The following LHX8 variants were observed in gnomAD, a reference collection of about 807,000 sequenced individuals.
The protein encoded by LHX8 is LIM homeobox 8.
A neutral mutation model predicts 40.3 loss-of-function variants in LHX8; 12 were observed. That is an observed-to-expected ratio of 0.30 (90% confidence interval 0.19 to 0.48). The LOEUF (loss-of-function observed/expected upper bound fraction) is 0.48, where lower values mean the gene tolerates loss of function less well. LHX8 is among the 20% of genes least tolerant of loss of function. The pLI is 0.99. For missense variants in LHX8, 344 were observed against 433.7 expected, an observed-to-expected ratio of 0.79 and a Z score of 1.84; for synonymous variants, 179 against 162.0, an observed-to-expected ratio of 1.10 and a Z score of -0.80.
chr1:75,138,556 G>A (rs1228987748), intron 3 of LHX8, among the ~76,000 whole-genome samples: 1 of 152,134 alleles, frequency 6.6e-6, no homozygotes, highest in African/African-American at 2.4e-5. Context: ...CACTTTCAAT[G>A]TTTCTAAAAC....
chr1:75,161,833 T>TG (rs1486660162), downstream of LHX8, among the ~76,000 whole-genome samples: 2 of 151,888 alleles, frequency 1.3e-5, no homozygotes, highest in African/African-American at 2.4e-5. Flanking sequence ...TCTTCAGGAG[T>TG]GAAAAAAGAG....
the LHX8 span, among the ~76,000 whole-genome samples, chr1:75,169,592 T>G: frequency 1.3e-5 from 2 of 152,164 alleles, no homozygotes; most frequent in Non-Finnish European, 2.9e-5. Flanking sequence ...TACTCCAATT[T>G]CAAGCCCAAT....
intron 6 of LHX8, among the ~76,000 whole-genome samples, chr1:75,147,846 C>T (rs1358619388): frequency 6.6e-6 from 1 of 152,206 alleles, no homozygotes; most frequent in African/African-American, 2.4e-5. Context: ...CTACTCTTCT[C>T]CCTTTATCTT....
chr1:75,197,490 T>C, the LHX8 span, among the ~76,000 whole-genome samples: 3 of 152,174 alleles, frequency 2.0e-5, no homozygotes, highest in African/African-American at 7.2e-5. Flanking sequence ...TCAAGTTACA[T>C]GTTATAGATG....
chr1:75,170,662 T>G, the LHX8 span, among the ~76,000 whole-genome samples: 1 of 152,188 alleles, frequency 6.6e-6, no homozygotes, highest in Non-Finnish European at 1.5e-5. Flanking sequence ...AACTGGAGAC[T>G]GGGGAGGTAT....
At chr1:75,156,239 G>GT (rs1163190778) in intron 7 of LHX8, among the ~76,000 whole-genome samples, 146 of 151,034 alleles carry the variant, frequency 9.7e-4, no homozygotes, top group African/African-American at 3.4e-3. Flanking sequence ...TTGTTGTTTT[G>GT]TTTTGTTTTG....
rs1648904578 is a variant in LHX8, at chr1:75,161,017, C to T, written c.*122C>T. ...AACACCTAAAGCATTTCCAACATCA[C>T]TTTGCTGCCCAGGTATGTATCTATA... On this transcript the variant is annotated 3_prime_UTR_variant, in exon 9 of 9. Coordinates refer to ENST00000356261, the MANE Select transcript of LHX8 (RefSeq NM_001256114.2). 1 of 753,044 alleles carries T rather than the reference C, an allele frequency of 1.3e-6. No individual in the cohort carries two copies. Among genetic ancestry groups the T allele is most frequent in the South Asian group, 1.5e-5 (1 of 65,582 alleles). The allele number at this position is 753,044 out of a possible 1,614,324, so 46.6% of individuals were successfully genotyped here.
downstream of LHX8, chr1:75,161,660 CATATT>C (rs747158017): frequency 2.7e-4 from 34 of 124,496 alleles, no homozygotes; most frequent in Non-Finnish European, 4.5e-4. Flanking sequence ...GAGTAGGAAA[CATATT>C]ATTCAAAAAA....
intron 7 of LHX8, 31 bp downstream of exon 7, chr1:75,148,713 GT>G: frequency 2.8e-6 from 4 of 1,454,286 alleles, no homozygotes; most frequent in Non-Finnish European, 3.8e-6. Flanking sequence ...TTTTTTTAAG[GT>G]TTTTAAAAAA....
At chr1:75,161,578 G>C (rs1648919851), downstream of LHX8, 1 of 151,508 alleles carries the variant, frequency 6.6e-6, no homozygotes, top group Non-Finnish European at 1.5e-5. Context: ...GTTGACTTTA[G>C]TCTCTTTAAA....
chr1:75,140,162 T>C (rs996497075), intron 3 of LHX8, among the ~76,000 whole-genome samples: 1 of 152,242 alleles, frequency 6.6e-6, no homozygotes, highest in Non-Finnish European at 1.5e-5. Flanking sequence ...AGAGTAATTA[T>C]GACTTGTTCC....
chr1:75,147,334 C>T (rs139995036), intron 6 of LHX8, among the ~76,000 whole-genome samples: 179 of 152,262 alleles, frequency 1.2e-3, no homozygotes, highest in Non-Finnish European at 2.0e-3. Context: ...ATTTTCCTTA[C>T]ATTGCCAAGT....
At chr1:75,140,628 A>G (rs1648285693) in intron 3 of LHX8, among the ~76,000 whole-genome samples, 1 of 152,198 alleles carries the variant, frequency 6.6e-6, no homozygotes, top group African/African-American at 2.4e-5. Context: ...GTAAAATATA[A>G]CAAAAAAAAC....
rs775327141 is a variant in LHX8 at position 75,156,918 on chromosome 1, G to A, written c.806G>A (p.Arg269His). 6.2e-7 allele frequency: 1 copy of A among 1,614,092 alleles called. No homozygotes were observed. Among genetic ancestry groups the A allele is most frequent in the Non-Finnish European group, 8.5e-7 (1 of 1,180,022 alleles). Residue 269 changes from arginine to histidine, a missense_variant, in exon 8 of 9, where the codon CGC becomes CAC. Coordinates refer to ENST00000356261, the MANE Select transcript of LHX8 (RefSeq NM_001256114.2). ...IQVWFQNCRA[R>H]HKKHVSPNHS... ...GTGTGGTTTCAGAATTGTAGAGCAC[G>A]CCACAAGAAACACGTCAGTCCTAAT... is the stretch of plus-strand genomic sequence containing the variant.
intron 4 of LHX8, among the ~76,000 whole-genome samples, 200 bp downstream of exon 4, chr1:75,141,306 A>G (rs1648303959): frequency 6.6e-6 from 1 of 152,208 alleles, no homozygotes; most frequent in African/African-American, 2.4e-5. Context: ...GGAATTCAGT[A>G]GACAAAAGTT....
the LHX8 span, among the ~76,000 whole-genome samples, chr1:75,175,265 C>T: frequency 6.6e-6 from 1 of 152,186 alleles, no homozygotes; most frequent in African/African-American, 2.4e-5. Context: ...CTGCTATAAA[C>T]ATGTGTGTGC....
upstream of LHX8, among the ~76,000 whole-genome samples, chr1:75,133,332 A>G (rs201479822): frequency 6.8e-6 from 1 of 147,508 alleles, no homozygotes; most frequent in African/African-American, 2.5e-5. Context: ...AAGGCTATCT[A>G]TCTCCTCCGC....
rs114375586 is a variant in LHX8, at chr1:75,147,054, A to G, written c.685-1533A>G. 2.6e-3 allele frequency among the ~76,000 whole-genome samples: 401 copies of G among 152,292 alleles called. 2 individuals carry two copies. Among genetic ancestry groups the G allele is most frequent in the African/African-American group, 8.7e-3 (360 of 41,570 alleles). ...TTCAACTGCATAGAAACATAACTCT[A>G]TTTTCACAGGAAGATACCAAAGTAA... On this transcript the variant is annotated intron_variant, in intron 6 of 8. Coordinates refer to ENST00000356261, the MANE Select transcript of LHX8 (RefSeq NM_001256114.2).
At chr1:75,189,343 C>T in the LHX8 span, among the ~76,000 whole-genome samples, 1 of 152,176 alleles carries the variant, frequency 6.6e-6, no homozygotes, top group South Asian at 2.1e-4. Flanking sequence ...GAAAGTTTGC[C>T]ATCAAAATTT....
Sources: allele counts gnomAD v4.1 joint callset (sites outside exome capture counted in the v4.1 genomes callset), GRCh38; gene constraint gnomAD v4.1.1; transcripts MANE v1.5; gene names NCBI Gene and HGNC (gene_info 2026-07-23, HGNC 2026-07-21).